Variants in YPEL2 observed in about 807,000 individuals in gnomAD.
YPEL2 encodes yippee like 2, also known as protein yippee-like 2.
In YPEL2, 2 loss-of-function variants were observed where a neutral mutation model predicts 19.1. That is an observed-to-expected ratio of 0.10 (90% CI 0.04 to 0.33). The LOEUF (loss-of-function observed/expected upper bound fraction) is 0.33. Among genes scored for constraint, YPEL2 ranks in the 10% least tolerant of loss-of-function variants. YPEL2 has a pLI of 1.00. For missense variants in YPEL2, 66 were observed against 140.7 expected (o/e 0.47, Z 2.68); for synonymous variants, 52 against 50.0 (o/e 1.04, Z -0.17).
At chr17:59,362,773 G>A (rs1176007401) in intron 2 of YPEL2, 2 of 152,168 alleles carry the variant, frequency 1.3e-5, no homozygotes, top group African/African-American at 2.4e-5. Context: ...AGCAAGGAGT[G>A]GGTGCAGGAT....
At chr17:59,378,443 C>T (rs2047933182) in intron 2 of YPEL2, among the ~76,000 whole-genome samples, 1 of 151,420 alleles carries the variant, frequency 6.6e-6, no homozygotes, top group Admixed American at 6.6e-5. Flanking sequence ...CTCCCAGGTT[C>T]AAGCAGTTCT....
At chr17:59,378,920 C>T (rs919406900) in intron 2 of YPEL2, among the ~76,000 whole-genome samples, 1 of 152,184 alleles carries the variant, frequency 6.6e-6, no homozygotes, top group African/African-American at 2.4e-5. Flanking sequence ...CTCAAAGGTT[C>T]CTAGACAGGT....
chr17:59,347,547 G>A (rs890138168), intron 1 of YPEL2, among the ~76,000 whole-genome samples: 4 of 152,182 alleles, frequency 2.6e-5, no homozygotes, highest in African/African-American at 9.7e-5. Flanking sequence ...TGGATTTGAG[G>A]GGGAAAGAGG....
chr17:59,390,524 A>G (rs1337174863), intron 4 of YPEL2, among the ~76,000 whole-genome samples: 2 of 152,258 alleles, frequency 1.3e-5, no homozygotes, highest in Non-Finnish European at 2.9e-5. Context: ...GGCCCTGAGC[A>G]AGGCATTATC....
At chr17:59,344,088 C>T (rs2047744567) in intron 1 of YPEL2, among the ~76,000 whole-genome samples, 1 of 152,148 alleles carries the variant, frequency 6.6e-6, no homozygotes, top group South Asian at 2.1e-4. Flanking sequence ...TGACAGGAGT[C>T]TCACTACATT....
At chr17:59,382,961 A>G (rs1410672073) in intron 2 of YPEL2, among the ~76,000 whole-genome samples, 1 of 152,196 alleles carries the variant, frequency 6.6e-6, no homozygotes, top group Non-Finnish European at 1.5e-5. Flanking sequence ...TGTTCTTACA[A>G]TATTTCGGAA....
chr17:59,370,654 T>G (rs936880132), intron 2 of YPEL2, among the ~76,000 whole-genome samples: 1 of 152,194 alleles, frequency 6.6e-6, no homozygotes, highest in African/African-American at 2.4e-5. Context: ...TCCTGGCGTC[T>G]TACACTGGGA....
chr17:59,385,102 A>G (rs1201443525), intron 2 of YPEL2, among the ~76,000 whole-genome samples: 1 of 152,176 alleles, frequency 6.6e-6, no homozygotes, highest in Non-Finnish European at 1.5e-5. Flanking sequence ...TCTTATTAAA[A>G]CCAAACCAAA....
At chr17:59,337,745 G>A (rs1366053456) in intron 1 of YPEL2, among the ~76,000 whole-genome samples, 2 of 152,136 alleles carry the variant, frequency 1.3e-5, no homozygotes, top group South Asian at 2.1e-4. Context: ...CTATTAATTA[G>A]GTATATACTG....
In YPEL2 at chr17:59,400,241, G is replaced by GGATCAGT. The variant is rs2048063532; in HGVS notation, c.*3053_*3059dup. On this transcript the variant is annotated 3_prime_UTR_variant, in exon 5 of 5. Transcript: ENST00000312655. ...TAGGCTAGAGTGCATTTTTACTGGT[G>GGATCAGT]GATCAGTGTGTGCGAAAGAGATGAC... 6.6e-6 allele frequency: 1 copy of GGATCAGT among 152,554 alleles called. No homozygotes were observed. Among genetic ancestry groups the GGATCAGT allele is most frequent in the African/African-American group, 2.4e-5 (1 of 41,414 alleles). The allele number at this position is 152,554 out of a possible 1,614,324, so 9.5% of individuals were successfully genotyped here.
chr17:59,389,321 C>G, intron 3 of YPEL2, 39 bp from the exon 4 acceptor site: 1 of 1,563,152 alleles, frequency 6.4e-7, no homozygotes, highest in Admixed American at 1.7e-5. Flanking sequence ...ATGTGCGTGT[C>G]ACTAACTACC....
intron 1 of YPEL2, among the ~76,000 whole-genome samples, chr17:59,333,374 C>T (rs974117252): frequency 6.6e-6 from 1 of 152,222 alleles, no homozygotes; most frequent in African/African-American, 2.4e-5. Context: ...TCAATGACAG[C>T]ATTTCTTGGA....
chr17:59,341,142 T>A (rs1162212155), intron 1 of YPEL2, among the ~76,000 whole-genome samples: 1 of 144,536 alleles, frequency 6.9e-6, no homozygotes, highest in Non-Finnish European at 1.5e-5. Flanking sequence ...CTGGCCAACA[T>A]GGCGAAACCC....
intron 2 of YPEL2, among the ~76,000 whole-genome samples, chr17:59,359,750 A>C (rs969681893): frequency 6.6e-6 from 1 of 152,222 alleles, no homozygotes; most frequent in Non-Finnish European, 1.5e-5. Flanking sequence ...TGTCTATCTC[A>C]AAAAGTAAAC....
In YPEL2 at chr17:59,339,163, C is replaced by A. The variant is rs114725865; in HGVS notation, c.-196+7339C>A. ...CTTCTTTTACCACTTCGGTCTTTGT[C>A]TGTTGGGGGTCCCTCCCTACATTGA... On this transcript the variant is annotated intron_variant, in intron 1 of 4. Transcript: ENST00000312655. Among the ~76,000 whole-genome samples the A allele has an allele frequency of 5.0e-3, 631 of 127,200 alleles. 3 individuals are homozygous for A. Among genetic ancestry groups the A allele is most frequent in the African/African-American group, 0.016 (561 of 34,552 alleles). 83.4% of individuals were successfully genotyped at this position (127,200 alleles called of 152,430 possible).
chr17:59,338,037 G>A (rs1164791082), intron 1 of YPEL2, among the ~76,000 whole-genome samples: 1 of 152,226 alleles, frequency 6.6e-6, no homozygotes, highest in Admixed American at 6.5e-5. Context: ...CTTGCGAGGT[G>A]CAGCAGTGCC....
At chr17:59,384,095 C>T (rs951064786) in intron 2 of YPEL2, among the ~76,000 whole-genome samples, 1 of 152,202 alleles carries the variant, frequency 6.6e-6, no homozygotes, top group Non-Finnish European at 1.5e-5. Context: ...AGTTGCTACA[C>T]ATTCATGCCA....
rs574078723 is a variant in YPEL2 at position 59,353,796 on chromosome 17, G to A, written c.117+270G>A. On this transcript the variant is annotated intron_variant, in intron 2 of 4. Coordinates refer to ENST00000312655, the MANE Select transcript of YPEL2 (RefSeq NM_001005404.4). The surrounding 1 kb of genome is among the most constrained non-coding windows in gnomAD (Gnocchi z 4.8). ...GCAAGCCAGAGAAGGGAGGGGCTGG[G>A]GATTGATGGGAGCCTTGTTCTCAGC... 2.6e-4 allele frequency: 110 copies of A among 427,084 alleles called. 1 individual carries two copies. The highest frequency in any genetic ancestry group is 2.1e-3 in the African/African-American group (103 of 49,370). 26.5% of individuals were successfully genotyped at this position (427,084 alleles called of 1,614,324 possible).
intron 2 of YPEL2, among the ~76,000 whole-genome samples, chr17:59,378,471 A>G (rs542945657): frequency 9.9e-5 from 15 of 151,928 alleles, no homozygotes; most frequent in Non-Finnish European, 1.9e-4. Context: ...CAGCCTCCCA[A>G]GTAGCTGGGA....
Sources: allele counts gnomAD v4.1 joint callset (sites outside exome capture counted in the v4.1 genomes callset), GRCh38; gene constraint gnomAD v4.1.1; non-coding constraint Gnocchi (gnomAD v3.1); transcripts MANE v1.5; gene names NCBI Gene and HGNC (gene_info 2026-07-23, HGNC 2026-07-21).